Variants in DENND5B observed in about 807,000 individuals in gnomAD.
The protein encoded by DENND5B is DENN domain containing 5B.
A neutral mutation model predicts 140.6 loss-of-function variants in DENND5B; 34 were observed. The observed-to-expected ratio is 0.24, with a 90% CI of 0.18 to 0.32. DENND5B has a LOEUF of 0.32. Ranked by LOEUF, DENND5B falls within the 10% of genes least tolerant of loss-of-function variation. The pLI, the probability that DENND5B is intolerant of heterozygous loss-of-function variation, is 1.00. For synonymous variants in DENND5B, 551 were observed against 562.1 expected (o/e 0.98, Z 0.28); for missense variants, 1,142 against 1,560.2 (o/e 0.73, Z 4.52).
chr12:31,541,168 A>ACCCC (rs1347699427), intron 1 of DENND5B: 1 of 275,194 alleles, frequency 3.6e-6, no homozygotes, highest in Non-Finnish European at 7.4e-6. Context: ...CTTGAGTAAT[A>ACCCC]CCCCACAAGC....
intron 1 of DENND5B, among the ~76,000 whole-genome samples, chr12:31,572,248 C>T (rs1388447832): frequency 1.3e-5 from 2 of 151,734 alleles, no homozygotes; most frequent in Non-Finnish European, 2.9e-5. Flanking sequence ...AAAAAAGGCA[C>T]ATAAAGCACA....
chr12:31,570,272 T>C, intron 1 of DENND5B, among the ~76,000 whole-genome samples: 1 of 149,658 alleles, frequency 6.7e-6, no homozygotes, highest in African/African-American at 2.4e-5. Flanking sequence ...ATCAAAATTC[T>C]CTCTCTTTTT....
intron 1 of DENND5B, among the ~76,000 whole-genome samples, chr12:31,531,245 G>A (rs1948267795): frequency 6.6e-6 from 1 of 151,880 alleles, no homozygotes; most frequent in African/African-American, 2.4e-5. Flanking sequence ...TGTCACCCAG[G>A]CTGGAGTGCA....
rs1327957684 is a variant in DENND5B, at chr12:31,480,004, A to C, written c.489T>G (p.Asp163Glu). Residue 163 changes from aspartate (D) to glutamate (E), a missense_variant, in exon 3 of 21, where the codon GAT (aspartate) becomes GAG (glutamate). Physicochemically the swap from Asp to Glu is conservative, Grantham distance 45. Coordinates refer to ENST00000389082, the MANE Select transcript of DENND5B (RefSeq NM_144973.4). ...CSMDSLASSL[D>E]EGDTTSLLKL... The stretch of plus-strand genomic sequence containing the variant: ...TCAAAAGGGAAGTTGTATCTCCTTC[A>C]TCAAGACTACTTGCCAATGAGTCCA... The C allele has an allele frequency of 6.2e-7, 1 of 1,614,034 alleles. No individual in the cohort carries two copies.
intron 1 of DENND5B, chr12:31,541,146 G>C (rs1448979626): frequency 5.2e-5 from 16 of 305,862 alleles, no homozygotes; most frequent in Non-Finnish European, 6.6e-6. Flanking sequence ...ACACTGGAGT[G>C]GGCAAGGATT....
At chr12:31,458,445 G>A (rs181003264) in intron 4 of DENND5B, among the ~76,000 whole-genome samples, 4 of 152,276 alleles carry the variant, frequency 2.6e-5, no homozygotes, top group Admixed American at 2.6e-4. Context: ...ACTTCTTGGA[G>A]CAAATAACAT....
intron 4 of DENND5B, among the ~76,000 whole-genome samples, chr12:31,454,142 C>CAAA (rs372795117): frequency 3.8e-4 from 37 of 96,400 alleles, no homozygotes; most frequent in South Asian, 3.3e-3. Context: ...AGACTTTGGC[C>CAAA]AAAAAAAAAA....
intron 3 of DENND5B, among the ~76,000 whole-genome samples, chr12:31,470,129 C>T (rs1259239): frequency 0.77 from 97,835 of 126,746 alleles, 36,735 homozygotes; most frequent in East Asian, 0.84. Context: ...TTTTTTTTTT[C>T]TTTGGAGATG....
Position 31,495,829 on chromosome 12 carries a change from T to C in DENND5B, c.218A>G (p.Asp73Gly). 6.2e-7 allele frequency: 1 copy of C among 1,611,034 alleles called. No individual in the cohort carries two copies. Among genetic ancestry groups the C allele is most frequent in the Non-Finnish European group, 8.5e-7 (1 of 1,178,556 alleles). ...YPQNIEWNPF[D>G]QDAVNMLCMP... Reference sequence around the variant, plus strand: ...ACATACCATGTTCACCGCATCTTGATCAAAAGGGTTCCATTCTATATTCTG... The same window carrying C: ...ACATACCATGTTCACCGCATCTTGACCAAAAGGGTTCCATTCTATATTCTG... Residue 73 changes from aspartate (D) to glycine (G), a missense_variant, in exon 2 of 21, where the codon GAT becomes GGT. By Grantham distance (94) the Asp-to-Gly change is moderately conservative. Coordinates refer to ENST00000389082, the MANE Select transcript of DENND5B (RefSeq NM_144973.4).
chr12:31,472,819 G>A (rs898850989), intron 3 of DENND5B, among the ~76,000 whole-genome samples: 1 of 152,142 alleles, frequency 6.6e-6, no homozygotes, highest in Middle Eastern at 3.2e-3. Context: ...AAAGGGCCAA[G>A]ATACCTTGCT....
At chr12:31,536,790 A>G (rs549842075) in intron 1 of DENND5B, among the ~76,000 whole-genome samples, 1 of 152,350 alleles carries the variant, frequency 6.6e-6, no homozygotes, top group Non-Finnish European at 1.5e-5. Context: ...TTTCATAATC[A>G]AATTCCCAAA....
intron 1 of DENND5B, among the ~76,000 whole-genome samples, chr12:31,509,834 G>A (rs952334463): frequency 2.0e-5 from 3 of 152,164 alleles, no homozygotes; most frequent in Admixed American, 1.3e-4. Context: ...GGCCCTCATT[G>A]AGGTGATGTT....
intron 3 of DENND5B, among the ~76,000 whole-genome samples, chr12:31,463,705 A>G (rs1945127886): frequency 6.6e-6 from 1 of 152,046 alleles, no homozygotes; most frequent in South Asian, 2.1e-4. Context: ...CTTGCTGCCC[A>G]GGCTGGAGCG....
chr12:31,405,385 T>G (rs1449572345), intron 14 of DENND5B, among the ~76,000 whole-genome samples: 1 of 151,814 alleles, frequency 6.6e-6, no homozygotes, highest in African/African-American at 2.4e-5. Flanking sequence ...CCCAGCTATT[T>G]TTTTGTAGTT....
intron 11 of DENND5B, among the ~76,000 whole-genome samples, chr12:31,422,941 A>C (rs2137698467): frequency 6.8e-6 from 1 of 146,642 alleles, no homozygotes; most frequent in Admixed American, 6.8e-5. Context: ...GGTTATAAAA[A>C]CTTTTTTTTT....
intron 1 of DENND5B, among the ~76,000 whole-genome samples, chr12:31,561,082 G>T: frequency 6.6e-6 from 1 of 152,112 alleles, no homozygotes; most frequent in Non-Finnish European, 1.5e-5. Flanking sequence ...TTATGTTCAG[G>T]GATTTAAAAA....
chr12:31,406,281 G>A (rs1272589471), intron 14 of DENND5B, among the ~76,000 whole-genome samples: 1 of 152,114 alleles, frequency 6.6e-6, no homozygotes, highest in Non-Finnish European at 1.5e-5. Context: ...TACTAAAGAA[G>A]GTGCCTAGAT....
intron 1 of DENND5B, among the ~76,000 whole-genome samples, chr12:31,518,738 G>GT (rs1408313604): frequency 6.6e-6 from 1 of 151,016 alleles, no homozygotes. Context: ...AATTTTCTGG[G>GT]TTTTTTAAAT....
chr12:31,590,716 G>C lies in DENND5B; in HGVS notation c.117C>G (p.Asp39Glu), dbSNP rs1236819202. ...GIDADSGLEPDELAGENFDQS... is the reference protein window; with the variant it reads ...GIDADSGLEPEELAGENFDQS... ...CAGCCCTGGCCTTACCCGCCAGCTC[G>C]TCAGGCTCCAGCCCGCTGTCCGCGT... The change falls in exon 1 of 21, where the codon GAC (aspartate) becomes GAG (glutamate). Residue 39 changes from aspartate to glutamate, a missense_variant. This residue lies in a region of DENND5B where 708 missense variants were observed against 905.5 expected (regional missense o/e 0.78). Transcript: ENST00000389082. 3.4e-6 allele frequency: 5 copies of C among 1,477,012 alleles called. No individual in the cohort carries two copies. The highest frequency in any genetic ancestry group is 1.5e-5 in the African/African-American group (1 of 68,138). The allele number at this position is 1,477,012 out of a possible 1,614,324, so 91.5% of individuals were successfully genotyped here.
Sources: gnomAD v4.1 joint callset for allele counts (sites outside exome capture counted in the v4.1 genomes callset) on GRCh38, gnomAD v4.1.1 for gene constraint, gnomAD v4.1.1 regional missense constraint, MANE v1.5 for transcripts, NCBI Gene and HGNC (gene_info 2026-07-23, HGNC 2026-07-21) for gene names.